The following COL24A1 variants were observed in gnomAD, a reference collection of about 807,000 sequenced individuals.
COL24A1 encodes the protein collagen alpha-1(XXIV) chain.
A neutral mutation model predicts 253.9 loss-of-function variants in COL24A1; 224 were observed. That is an observed-to-expected ratio of 0.88 (90% CI 0.79 to 0.99). COL24A1 has a LOEUF of 0.99. COL24A1 is among the 50% of genes least tolerant of loss of function. COL24A1 has a pLI of 0.00. For missense variants in COL24A1, 2,131 were observed against 2,068.5 expected (o/e 1.03, Z -0.59); for synonymous variants, 685 against 673.7 (o/e 1.02, Z -0.26).
intron 13 of COL24A1, among the ~76,000 whole-genome samples, chr1:86,032,271 G>A (rs909552463): frequency 1.2e-4 from 18 of 152,102 alleles, no homozygotes; most frequent in African/African-American, 3.6e-4. Flanking sequence ...TGAAAAGACA[G>A]GTGGTCAGCA....
intron 20 of COL24A1, among the ~76,000 whole-genome samples, chr1:85,972,309 C>G (rs1692244248): frequency 7.2e-6 from 1 of 139,558 alleles, no homozygotes; most frequent in African/African-American, 2.6e-5. Context: ...TGAAATGCAA[C>G]AGAGTGACAA....
chr1:86,086,262 T>C (rs1703056449), intron 7 of COL24A1, among the ~76,000 whole-genome samples: 1 of 152,146 alleles, frequency 6.6e-6, no homozygotes. Flanking sequence ...TAAATACCAC[T>C]GTCTAACAAA....
At chr1:86,133,582 G>A (rs1166814689) in intron 2 of COL24A1, among the ~76,000 whole-genome samples, 1 of 152,096 alleles carries the variant, frequency 6.6e-6, no homozygotes, top group East Asian at 1.9e-4. Flanking sequence ...TTTGGCAAAG[G>A]CCTTTTCTGC....
intron 5 of COL24A1, among the ~76,000 whole-genome samples, chr1:86,100,424 A>G (rs2102039928): frequency 6.6e-6 from 1 of 152,150 alleles, no homozygotes; most frequent in South Asian, 2.1e-4. Flanking sequence ...CTTTCCTTTT[A>G]TTTTTCTTCT....
At chr1:85,922,504 G>T (rs529354671) in intron 24 of COL24A1, among the ~76,000 whole-genome samples, 1 of 152,234 alleles carries the variant, frequency 6.6e-6, no homozygotes, top group East Asian at 1.9e-4. Context: ...AGAGAGTGGG[G>T]GGCCAATATT....
At chr1:86,097,344 T>C (rs1374146631) in intron 5 of COL24A1, among the ~76,000 whole-genome samples, 4 of 150,610 alleles carry the variant, frequency 2.7e-5, no homozygotes, top group Non-Finnish European at 5.9e-5. Context: ...CTTGTTGTTA[T>C]TGTATTGTTG....
chr1:85,761,444 A>G, intron 54 of COL24A1, 22 bp from the exon 55 acceptor site: 1 of 1,614,048 alleles, frequency 6.2e-7, no homozygotes, highest in Non-Finnish European at 8.5e-7. Context: ...CAAATTAAAA[A>G]AAATACACAT....
intron 5 of COL24A1, among the ~76,000 whole-genome samples, chr1:86,097,461 CT>C (rs1342794546): frequency 2.3e-5 from 1 of 44,202 alleles, no homozygotes; most frequent in Non-Finnish European, 6.0e-5. Context: ...CCTCCTCTTC[CT>C]CCCTCCTCCT....
intron 28 of COL24A1, 37 bp downstream of exon 28, chr1:85,907,157 G>T (rs1684915930): frequency 1.4e-6 from 2 of 1,447,700 alleles, no homozygotes; most frequent in Non-Finnish European, 1.9e-6. Context: ...AAGTAATTTT[G>T]GGGGGGTTAA....
intron 5 of COL24A1, among the ~76,000 whole-genome samples, chr1:86,096,067 G>A (rs1448423260): frequency 7.9e-5 from 12 of 152,084 alleles, no homozygotes. Context: ...CTCTCAATTT[G>A]AGATTTCTTC....
intron 53 of COL24A1, among the ~76,000 whole-genome samples, chr1:85,769,723 A>G (rs537192937): frequency 6.6e-6 from 1 of 152,284 alleles, no homozygotes; most frequent in African/African-American, 2.4e-5. Flanking sequence ...TCCTACCAGG[A>G]CATAGGTTCC....
chr1:85,747,556 A>T (rs1021052576), intron 55 of COL24A1, among the ~76,000 whole-genome samples: 2 of 152,162 alleles, frequency 1.3e-5, no homozygotes, highest in African/African-American at 4.8e-5. Context: ...AAACAAAAAA[A>T]TTAATGAGAA....
At chr1:85,761,323 A>G (rs1228898315) in intron 55 of COL24A1, 73 bp downstream of exon 55, 1 of 1,529,840 alleles carries the variant, frequency 6.5e-7, no homozygotes, top group Non-Finnish European at 9.0e-7. Context: ...TAGAGAGTTA[A>G]CAGAAGGATA....
chr1:85,818,080 T>C lies in COL24A1; in HGVS notation c.3797A>G (p.Lys1266Arg). ...LKGERGSEGN[K>R]GKKGAPGPSG... Reference sequence around the variant, plus strand: ...AGGACCAGGAGCTCCTTTTTTCCCCTTATTACCCTAAAGATGGAAAGCACA... The same window carrying C: ...AGGACCAGGAGCTCCTTTTTTCCCCCTATTACCCTAAAGATGGAAAGCACA... The change falls in exon 46 of 60, where the codon AAG becomes AGG. Residue 1266 changes from lysine to arginine, a missense_variant. By Grantham distance (26) the Lys-to-Arg change is conservative. Coordinates refer to ENST00000370571, the MANE Select transcript of COL24A1 (RefSeq NM_152890.7). 2 of 1,613,366 alleles carry C rather than the reference T, an allele frequency of 1.2e-6. No individual in the cohort carries two copies. The highest frequency in any genetic ancestry group is 1.7e-6 in the Non-Finnish European group (2 of 1,179,362).
intron 39 of COL24A1, 85 bp from the exon 40 acceptor site, chr1:85,842,478 G>T: frequency 1.1e-6 from 1 of 929,356 alleles, no homozygotes; most frequent in Non-Finnish European, 1.6e-6. Flanking sequence ...TGTTTAAATT[G>T]TTACCTTTAG....
intron 24 of COL24A1, among the ~76,000 whole-genome samples, chr1:85,919,769 C>T (rs1411036425): frequency 6.6e-6 from 1 of 152,152 alleles, no homozygotes; most frequent in African/African-American, 2.4e-5. Flanking sequence ...TTAGGAACAC[C>T]TTCACCAGAC....
chr1:86,045,408 A>G (rs1055710534), intron 12 of COL24A1, among the ~76,000 whole-genome samples: 2 of 152,208 alleles, frequency 1.3e-5, no homozygotes, highest in African/African-American at 4.8e-5. Context: ...TGATAGGAGA[A>G]GGGTGAAAAT....
chr1:85,795,794 C>G (rs1670746919), intron 47 of COL24A1, among the ~76,000 whole-genome samples: 2 of 151,908 alleles, frequency 1.3e-5, no homozygotes, highest in African/African-American at 2.4e-5. Context: ...GATTATTAGG[C>G]AATGTAAGTA....
At chr1:86,020,086 G>A (rs1402844588) in intron 18 of COL24A1, among the ~76,000 whole-genome samples, 1 of 19,650 alleles carries the variant, frequency 5.1e-5, no homozygotes, top group Non-Finnish European at 1.4e-4. Context: ...TTTTTTTTTT[G>A]AGATGGAGTC....
Sources: gnomAD v4.1 joint callset for allele counts (sites outside exome capture counted in the v4.1 genomes callset) on GRCh38, gnomAD v4.1.1 for gene constraint, MANE v1.5 for transcripts, NCBI Gene and HGNC (gene_info 2026-07-23, HGNC 2026-07-21) for gene names.